SCNN1B: variants seen among roughly 807,000 people sequenced by gnomAD.
SCNN1B encodes the protein epithelial sodium channel subunit beta.
In SCNN1B, 46 loss-of-function variants were observed where a neutral mutation model predicts 65.3. That is an observed-to-expected ratio of 0.70 (90% CI 0.56 to 0.90). The LOEUF is 0.90. Ranked by LOEUF, SCNN1B falls within the 40% of genes least tolerant of loss-of-function variation. The pLI is 0.00. For synonymous variants in SCNN1B, 349 were observed against 330.6 expected (o/e 1.06, Z -0.60); for missense variants, 751 against 830.5 (o/e 0.90, Z 1.18).
At chr16:23,335,399 G>T (rs1961914446) in intron 1 of SCNN1B, among the ~76,000 whole-genome samples, 1 of 151,856 alleles carries the variant, frequency 6.6e-6, no homozygotes, top group South Asian at 2.1e-4. Context: ...AGATCCTCCT[G>T]CCTCAGCCTC....
intron 1 of SCNN1B, among the ~76,000 whole-genome samples, chr16:23,323,299 G>A (rs1431667599): frequency 2.6e-5 from 4 of 152,150 alleles, no homozygotes; most frequent in Non-Finnish European, 5.9e-5. Flanking sequence ...CTAGAAAAAG[G>A]TAGAGGATTT....
chr16:23,360,205 T>TAAAA (rs879450862), intron 4 of SCNN1B, among the ~76,000 whole-genome samples: 460 of 132,502 alleles, frequency 3.5e-3, no homozygotes, highest in African/African-American at 0.01. Flanking sequence ...CTCAAAAAAA[T>TAAAA]AAATAAATAA....
intron 1 of SCNN1B, among the ~76,000 whole-genome samples, chr16:23,305,577 TTA>T (rs10571485): frequency 1.1e-3 from 25 of 23,648 alleles, no homozygotes; most frequent in East Asian, 6.8e-3. Context: ...TATATATATA[TTA>T]TATATATATA....
chr16:23,286,620 T>C (rs547487072), intron 2 of SCNN1B, among the ~76,000 whole-genome samples: 15 of 152,168 alleles, frequency 9.9e-5, no homozygotes, highest in Non-Finnish European at 1.8e-4. Flanking sequence ...TTATAGGAAA[T>C]ACAGCAGACA....
At chr16:23,306,705 G>A (rs930536956) in intron 1 of SCNN1B, among the ~76,000 whole-genome samples, 1 of 152,182 alleles carries the variant, frequency 6.6e-6, no homozygotes, top group African/African-American at 2.4e-5. Flanking sequence ...CTGGAGCAGT[G>A]GAGTGAGAAA....
intron 1 of SCNN1B, among the ~76,000 whole-genome samples, chr16:23,304,256 C>CACACACAT (rs1961147062): frequency 6.6e-6 from 1 of 151,768 alleles, no homozygotes; most frequent in East Asian, 1.9e-4. Flanking sequence ...AATGCATGCA[C>CACACACAT]ACACACACAT....
At position 23,319,794 on chromosome 16, in the gene SCNN1B, G is replaced by T. The variant is rs145553161; in HGVS notation, c.-9+17357G>T. 3.0e-4 allele frequency among the ~76,000 whole-genome samples: 45 copies of T among 151,948 alleles called. No homozygotes were observed. The East Asian group carries it at 8.7e-3, about 29-fold the overall frequency. ...TTTTTTGTTTTTTTTTTGACACAGGGTCTTGCTCTGTCGCCCAGGCTGGAG... is the reference window on the plus strand; with the variant it reads ...TTTTTTGTTTTTTTTTTGACACAGGTTCTTGCTCTGTCGCCCAGGCTGGAG... On this transcript the variant is annotated intron_variant, in intron 1 of 12. Transcript: ENST00000343070.
rs113543822 is a variant in SCNN1B at position 23,306,158 on chromosome 16, G to C, written c.-9+3721G>C. ...CTTGGGAAGCTGAAGTGGGAGAATC[G>C]CTTGAACCCAGAAGGTGGAGATTGC... is the stretch of plus-strand genomic sequence containing the variant. On this transcript the variant is annotated intron_variant, in intron 1 of 12. Transcript: ENST00000343070. Among the ~76,000 whole-genome samples, 6 of 151,802 alleles carry C rather than the reference G, an allele frequency of 4.0e-5. 1 individual carries two copies. The highest frequency in any genetic ancestry group is 1.5e-4 in the African/African-American group (6 of 41,356).
chr16:23,288,086 G>C (rs1479862895), intron 2 of SCNN1B, among the ~76,000 whole-genome samples: 1 of 152,024 alleles, frequency 6.6e-6, no homozygotes, highest in Non-Finnish European at 1.5e-5. Context: ...AGCCCTGGTT[G>C]AGGCTGCAGT....
At chr16:23,371,961 AG>A (rs1962795684) in intron 7 of SCNN1B, 78 bp downstream of exon 7, 1 of 1,066,330 alleles carries the variant, frequency 9.4e-7, no homozygotes, top group Non-Finnish European at 1.5e-6. Flanking sequence ...ACTCCGGGAG[AG>A]CTGGCCCCAG....
At chr16:23,366,505 G>C (rs995478029) in intron 4 of SCNN1B, among the ~76,000 whole-genome samples, 3 of 152,052 alleles carry the variant, frequency 2.0e-5, no homozygotes, top group African/African-American at 4.8e-5. Context: ...AAGCCAAGGT[G>C]TGGGGATCAC....
intron 2 of SCNN1B, among the ~76,000 whole-genome samples, chr16:23,351,267 C>T (rs931559955): frequency 6.6e-6 from 1 of 152,196 alleles, no homozygotes; most frequent in African/African-American, 2.4e-5. Context: ...TAAGCAGCAC[C>T]TCATTGAATC....
intron 2 of SCNN1B, among the ~76,000 whole-genome samples, chr16:23,285,896 C>A (rs1796463240): frequency 6.6e-6 from 1 of 152,112 alleles, no homozygotes; most frequent in South Asian, 2.1e-4. Context: ...ATCGCTTGAA[C>A]CCAGGAGGCA....
intron 4 of SCNN1B, among the ~76,000 whole-genome samples, chr16:23,356,358 C>G (rs1962420884): frequency 6.6e-6 from 1 of 152,114 alleles, no homozygotes; most frequent in African/African-American, 2.4e-5. Context: ...GGCGTGGTGG[C>G]TCATGCCTGG....
At chr16:23,283,273 C>T (rs144668063) in intron 1 of SCNN1B, among the ~76,000 whole-genome samples, 2 of 152,176 alleles carry the variant, frequency 1.3e-5, no homozygotes, top group Non-Finnish European at 2.9e-5. Context: ...TAGCCAGGTG[C>T]GGTGGCACAT....
At chr16:23,287,325 AAG>A (rs1180917065) in intron 2 of SCNN1B, among the ~76,000 whole-genome samples, 1 of 152,054 alleles carries the variant, frequency 6.6e-6, no homozygotes, top group Admixed American at 6.6e-5. Context: ...TTTTTTAAAA[AAG>A]AGAGAGATAT....
intron 1 of SCNN1B, among the ~76,000 whole-genome samples, chr16:23,331,407 C>A (rs1360866641): frequency 6.6e-6 from 1 of 151,486 alleles, no homozygotes; most frequent in Non-Finnish European, 1.5e-5. Context: ...TCACTACAAC[C>A]TCTGCCTCCT....
intron 6 of SCNN1B, 61 bp from the exon 7 acceptor site, chr16:23,371,715 G>A: frequency 1.5e-6 from 2 of 1,343,510 alleles, no homozygotes; most frequent in Non-Finnish European, 2.1e-6. Context: ...ATAGAAGGGA[G>A]GTGCAGAAAG....
intron 3 of SCNN1B, among the ~76,000 whole-genome samples, chr16:23,354,733 C>T (rs1962381739): frequency 6.6e-6 from 1 of 152,154 alleles, no homozygotes; most frequent in South Asian, 2.1e-4. Flanking sequence ...TGTGTGTGAG[C>T]ATAAGTGTTG....
Sources: allele counts gnomAD v4.1 joint callset (sites outside exome capture counted in the v4.1 genomes callset), GRCh38; gene constraint gnomAD v4.1.1; transcripts MANE v1.5; gene names NCBI Gene and HGNC (gene_info 2026-07-23, HGNC 2026-07-21).